The following MACROD2 variants were observed in gnomAD, a reference collection of about 807,000 sequenced individuals.
MACROD2 encodes the protein mono-ADP ribosylhydrolase 2, also known as ADP-ribose glycohydrolase MACROD2.
Under a neutral mutation model 70.4 loss-of-function variants are expected in MACROD2, and 36 were observed. The ratio of observed to expected loss-of-function variants is 0.51; its 90% CI spans 0.39 to 0.68. MACROD2 has a LOEUF of 0.68. Among genes scored for constraint, MACROD2 ranks in the 30% least tolerant of loss-of-function variants. MACROD2 has a pLI of 0.00. For missense variants in MACROD2, 496 were observed against 538.4 expected (o/e 0.92, Z 0.78); for synonymous variants, 172 against 178.8 (o/e 0.96, Z 0.30).
intron 6 of MACROD2, among the ~76,000 whole-genome samples, chr20:15,345,704 A>G (rs1444143400): frequency 6.6e-6 from 1 of 152,212 alleles, no homozygotes; most frequent in Non-Finnish European, 1.5e-5. Context: ...ATTAATTGAA[A>G]TGTAAATTGA....
intron 8 of MACROD2, among the ~76,000 whole-genome samples, chr20:15,655,316 CTTT>C (rs10595680): frequency 0.02 from 2,825 of 140,002 alleles, 78 homozygotes; most frequent in African/African-American, 0.062. Context: ...TAGAGTTCCA[CTTT>C]TTTTTTTTTT....
At chr20:15,085,965 C>A (rs2075745845) in intron 5 of MACROD2, among the ~76,000 whole-genome samples, 1 of 151,292 alleles carries the variant, frequency 6.6e-6, no homozygotes, top group Non-Finnish European at 1.5e-5. Flanking sequence ...TCAGGCCACC[C>A]ATATCAACAC....
chr20:14,925,509 A>G (rs1261039444), intron 5 of MACROD2, among the ~76,000 whole-genome samples: 1 of 152,194 alleles, frequency 6.6e-6, no homozygotes, highest in Non-Finnish European at 1.5e-5. Context: ...ATCTCTGTTC[A>G]TTGATTCTGC....
At chr20:14,439,755 TG>T (rs2084100604) in intron 3 of MACROD2, among the ~76,000 whole-genome samples, 1 of 152,228 alleles carries the variant, frequency 6.6e-6, no homozygotes, top group African/African-American at 2.4e-5. Context: ...CTTAGAATAA[TG>T]CTAGACACAT....
intron 8 of MACROD2, among the ~76,000 whole-genome samples, chr20:15,713,749 T>A (rs1170183591): frequency 1.3e-5 from 2 of 151,952 alleles, no homozygotes; most frequent in African/African-American, 2.4e-5. Flanking sequence ...CCACAACATA[T>A]CAGGGTCTGG....
At chr20:15,779,470 C>G (rs2051792605) in intron 8 of MACROD2, among the ~76,000 whole-genome samples, 2 of 152,130 alleles carry the variant, frequency 1.3e-5, no homozygotes, top group African/African-American at 2.4e-5. Context: ...CAACCAATAA[C>G]AGTTTGAAAG....
At chr20:14,931,834 TA>T (rs112239172) in intron 5 of MACROD2, among the ~76,000 whole-genome samples, 62 of 146,684 alleles carry the variant, frequency 4.2e-4, no homozygotes, top group African/African-American at 9.8e-4. Flanking sequence ...CCCCATCTCT[TA>T]AAAAAAAAAA....
intron 3 of MACROD2, among the ~76,000 whole-genome samples, chr20:14,473,771 G>A (rs1339611230): frequency 1.3e-5 from 2 of 152,144 alleles, no homozygotes; most frequent in African/African-American, 2.4e-5. Context: ...CACTAACAGT[G>A]TGTAAGAGTT....
chr20:14,248,410 G>C (rs6110214), intron 3 of MACROD2, among the ~76,000 whole-genome samples: 121,040 of 152,072 alleles, frequency 0.8, 49,313 homozygotes, highest in Non-Finnish European at 0.88. Flanking sequence ...ATAGTGAAAC[G>C]CTGTCTCTAC....
At chr20:14,780,195 A>G (rs995865461) in intron 5 of MACROD2, among the ~76,000 whole-genome samples, 1 of 152,132 alleles carries the variant, frequency 6.6e-6, no homozygotes, top group African/African-American at 2.4e-5. Context: ...CCTTGTTTCA[A>G]AAAAGCAAAA....
intron 8 of MACROD2, among the ~76,000 whole-genome samples, chr20:15,771,942 G>A (rs2051635188): frequency 1.3e-5 from 2 of 150,838 alleles, no homozygotes; most frequent in African/African-American, 4.9e-5. Flanking sequence ...ACAATTAGCC[G>A]GGCGTAGTGG....
chr20:14,618,417 G>A (rs1243193656), intron 4 of MACROD2, among the ~76,000 whole-genome samples: 1 of 152,136 alleles, frequency 6.6e-6, no homozygotes, highest in Non-Finnish European at 1.5e-5. Flanking sequence ...CAATTTTCCT[G>A]TGTTAGAGAT....
intron 6 of MACROD2, among the ~76,000 whole-genome samples, chr20:15,244,053 C>T (rs545952239): frequency 1.3e-5 from 2 of 152,142 alleles, no homozygotes; most frequent in Non-Finnish European, 2.9e-5. Context: ...GTACTCAATA[C>T]ACAGCAATTC....
intron 5 of MACROD2, among the ~76,000 whole-genome samples, chr20:14,940,566 A>G (rs951195712): frequency 2.6e-5 from 4 of 152,248 alleles, no homozygotes; most frequent in Admixed American, 6.5e-5. Flanking sequence ...ATTTTGAGGT[A>G]TGTTCCTTCT....
Position 15,048,121 on chromosome 20 carries a change from A to AAATAAATAAAT in MACROD2, c.419-181817_419-181816insTAAATAAATAA, listed in dbSNP as rs562714078. Among the ~76,000 whole-genome samples the AAATAAATAAAT allele has an allele frequency of 8.1e-3, 1,212 of 149,818 alleles. 18 individuals carry two copies. The highest frequency in any genetic ancestry group is 0.029 in the African/African-American group (1,174 of 40,302). ...TCTAGTAAATAAATAAATAAATAAT[A>AAATAAATAAAT]AAAAATTAGCCAGGTGTGGTGGTGG... On this transcript the variant is annotated intron_variant, in intron 5 of 17. Coordinates refer to ENST00000684519, the MANE Select transcript of MACROD2 (RefSeq NM_001351661.2).
intron 5 of MACROD2, among the ~76,000 whole-genome samples, chr20:15,157,665 A>G (rs776871823): frequency 3.5e-4 from 53 of 152,082 alleles, no homozygotes; most frequent in Non-Finnish European, 5.0e-4. Flanking sequence ...CCTAATCCAC[A>G]CTTCATCCCT....
chr20:14,533,713 A>C (rs2085332623), intron 4 of MACROD2, among the ~76,000 whole-genome samples: 1 of 152,214 alleles, frequency 6.6e-6, no homozygotes, highest in Non-Finnish European at 1.5e-5. Context: ...ATTCTCATAT[A>C]CTATTGTATA....
At chr20:15,673,408 G>C (rs1434449810) in intron 8 of MACROD2, among the ~76,000 whole-genome samples, 1 of 152,122 alleles carries the variant, frequency 6.6e-6, no homozygotes, top group Non-Finnish European at 1.5e-5. Flanking sequence ...AAAAAGAATG[G>C]AATTTCAACT....
chr20:14,444,615 T>C (rs1316549691), intron 3 of MACROD2, among the ~76,000 whole-genome samples: 1 of 152,058 alleles, frequency 6.6e-6, no homozygotes, highest in Non-Finnish European at 1.5e-5. Flanking sequence ...AATTTGTATC[T>C]TTAGTGTGTG....
Sources: allele counts gnomAD v4.1 joint callset (sites outside exome capture counted in the v4.1 genomes callset), GRCh38; gene constraint gnomAD v4.1.1; transcripts MANE v1.5; gene names NCBI Gene and HGNC (gene_info 2026-07-23, HGNC 2026-07-21).